CLCA2: variants seen among roughly 807,000 people sequenced by gnomAD.
CLCA2 encodes chloride channel accessory 2, also known as calcium-activated chloride channel regulator 2.
A neutral mutation model predicts 82.9 loss-of-function variants in CLCA2; 85 were observed. That is an observed-to-expected ratio of 1.03 (90% confidence interval 0.86 to 1.23). The LOEUF (loss-of-function observed/expected upper bound fraction) is 1.23. Among genes scored for constraint, CLCA2 ranks in the 50% most tolerant of loss-of-function variants. CLCA2 has a pLI of 0.00. For missense variants in CLCA2, 1,089 were observed against 1,124.8 expected, an observed-to-expected ratio of 0.97 and a Z score of 0.45; for synonymous variants, 421 against 391.7, an observed-to-expected ratio of 1.07 and a Z score of -0.88.
At chr1:86,444,581 T>C (rs2249296) in intron 10 of CLCA2, among the ~76,000 whole-genome samples, 129,015 of 152,204 alleles carry the variant, frequency 0.85, 54,823 homozygotes, top group Non-Finnish European at 0.86. Context: ...GGAAACAGCA[T>C]ATAGAAAGAC....
chr1:86,440,983 T>A (rs1212394230), intron 8 of CLCA2, among the ~76,000 whole-genome samples: 1 of 152,162 alleles, frequency 6.6e-6, no homozygotes, highest in Admixed American at 6.5e-5. Context: ...TTATACTAAA[T>A]AAGGCACAGA....
At chr1:86,428,297 T>C in intron 2 of CLCA2, 121 bp from the exon 3 acceptor site, 1 of 916,496 alleles carries the variant, frequency 1.1e-6, no homozygotes. Flanking sequence ...TGGGTTATAA[T>C]TACATACAAT....
intron 9 of CLCA2, 116 bp downstream of exon 9, chr1:86,441,659 C>A: frequency 1.5e-6 from 1 of 668,182 alleles, no homozygotes; most frequent in Non-Finnish European, 2.6e-6. Context: ...TATGTAACAG[C>A]TGTGTATGGA....
intron 10 of CLCA2, among the ~76,000 whole-genome samples, 182 bp from the exon 11 acceptor site, chr1:86,447,326 G>A (rs997265635): frequency 6.6e-6 from 1 of 152,172 alleles, no homozygotes; most frequent in Non-Finnish European, 1.5e-5. Flanking sequence ...TGAAAGCCAT[G>A]TAAATACAAA....
chr1:86,450,183 T>C (rs186384661), intron 11 of CLCA2, among the ~76,000 whole-genome samples: 128 of 152,326 alleles, frequency 8.4e-4, no homozygotes, highest in African/African-American at 3.1e-3. Context: ...ATTTATTTCC[T>C]AGGGACAAAA....
intron 3 of CLCA2, among the ~76,000 whole-genome samples, chr1:86,429,219 G>A (rs548948498): frequency 6.6e-6 from 1 of 152,324 alleles, no homozygotes; most frequent in Non-Finnish European, 1.5e-5. Context: ...GGTGGAGACA[G>A]TGAGATGGGA....
chr1:86,446,986 T>G (rs1662866794), intron 10 of CLCA2, among the ~76,000 whole-genome samples: 1 of 152,158 alleles, frequency 6.6e-6, no homozygotes, highest in East Asian at 1.9e-4. Context: ...AGTGTATGTG[T>G]TTTTTGTTGA....
chr1:86,446,216 C>CTTTTTT (rs3086658), intron 10 of CLCA2, among the ~76,000 whole-genome samples: 20 of 108,508 alleles, frequency 1.8e-4, no homozygotes, highest in South Asian at 3.4e-4. Flanking sequence ...GCTGTGGGAA[C>CTTTTTT]TTTTTTTTTT....
intron 6 of CLCA2, among the ~76,000 whole-genome samples, chr1:86,437,307 G>A (rs574815986): frequency 6.1e-4 from 93 of 152,268 alleles, no homozygotes; most frequent in African/African-American, 2.1e-3. Flanking sequence ...AATGCTTATA[G>A]CTAATGAGGG....
chr1:86,431,015 T>A, intron 4 of CLCA2, 45 bp downstream of exon 4: 1 of 1,368,244 alleles, frequency 7.3e-7, no homozygotes, highest in Non-Finnish European at 1.0e-6. Flanking sequence ...TATTTGACTC[T>A]AAAATTGCTT....
At chr1:86,428,246 C>G (rs181522095) in intron 2 of CLCA2, among the ~76,000 whole-genome samples, 172 bp from the exon 3 acceptor site, 2 of 152,174 alleles carry the variant, frequency 1.3e-5, no homozygotes, top group African/African-American at 4.8e-5. Context: ...GCATTTTAAA[C>G]TCCATCCACA....
chr1:86,424,440 G>A lies in CLCA2; in HGVS notation c.186+7G>A, dbSNP rs918159451. The A allele has an allele frequency of 1.6e-5, 26 of 1,599,290 alleles. No homozygotes were observed. Among genetic ancestry groups the A allele is most frequent in the Non-Finnish European group, 2.2e-5 (26 of 1,172,390 alleles). ...CCTCATCTCAAACATTAAGGTGAGTGGAAATTATGAAATTGATACTAGCAT... is the reference window on the plus strand; with the variant it reads ...CCTCATCTCAAACATTAAGGTGAGTAGAAATTATGAAATTGATACTAGCAT... On this transcript the variant is annotated splice_region_variant and intron_variant, in intron 1 of 13. Transcript: ENST00000370565.
chr1:86,434,641 C>T lies in CLCA2; in HGVS notation c.868C>T (p.Pro290Ser). The T allele has an allele frequency of 6.2e-7, 1 of 1,614,106 alleles. No homozygotes were observed. Among genetic ancestry groups the T allele is most frequent in the South Asian group, 1.1e-5 (1 of 91,084 alleles). ...CTCTGCTGACTTTCACCACAGCTTT[C>T]CCATGAATGGGACTGAGCTTCCACC... ...TDSADFHHSFPMNGTELPPPP... is the reference protein window; with the variant it reads ...TDSADFHHSFSMNGTELPPPP... Residue 290 changes from proline to serine, a missense_variant, in exon 6 of 14, where the codon CCC becomes TCC. Coordinates refer to ENST00000370565, the MANE Select transcript of CLCA2 (RefSeq NM_006536.7).
Position 86,443,792 on chromosome 1 carries a change from A to C in CLCA2, c.1494A>C (p.Glu498Asp). ...GDIFQQHIQLESTGENVKPHH... is the reference protein window; with the variant it reads ...GDIFQQHIQLDSTGENVKPHH... ...ATATATCTTCTCTTTAACAGCTTGA[A>C]AGTACAGGTGAAAATGTCAAACCTC... is the stretch of plus-strand genomic sequence containing the variant. The change falls in exon 10 of 14, where the codon GAA (glutamate) becomes GAC (aspartate). Residue 498 changes from glutamate (E) to aspartate (D), a missense_variant. Coordinates refer to ENST00000370565, the MANE Select transcript of CLCA2 (RefSeq NM_006536.7). 6.2e-7 allele frequency: 1 copy of C among 1,612,856 alleles called. No individual in the cohort carries two copies.
intron 4 of CLCA2, among the ~76,000 whole-genome samples, 159 bp downstream of exon 4, chr1:86,431,129 T>A (rs992713983): frequency 5.9e-5 from 9 of 152,224 alleles, no homozygotes; most frequent in Non-Finnish European, 1.2e-4. Flanking sequence ...AGTTCTTAAG[T>A]TATATGACAT....
Position 86,436,572 on chromosome 1 carries a change from C to G in CLCA2, c.972+1827C>G, listed in dbSNP as rs141893756. On this transcript the variant is annotated intron_variant, in intron 6 of 13. Transcript: ENST00000370565. ...CAAGGAGAGAATTTATCCCCTTGTG[C>G]TCTGTGGATCAATAGTCCTGGAATA... Among the ~76,000 whole-genome samples, 874 of 152,304 alleles carry G rather than the reference C, an allele frequency of 5.7e-3. 7 individuals are homozygous for G. Among genetic ancestry groups the G allele is most frequent in the Middle Eastern group, 0.034 (10 of 294 alleles).
chr1:86,431,992 A>T (rs57955693), intron 4 of CLCA2, among the ~76,000 whole-genome samples: 6,740 of 152,068 alleles, frequency 0.044, 205 homozygotes, highest in East Asian at 0.1. Context: ...CTGGAGTGCA[A>T]TGGCACGATT....
intron 10 of CLCA2, among the ~76,000 whole-genome samples, chr1:86,445,090 G>C (rs1174594550): frequency 6.6e-6 from 1 of 152,030 alleles, no homozygotes; most frequent in Admixed American, 6.6e-5. Flanking sequence ...TAGAGATGAG[G>C]TTTCACCATG....
intron 10 of CLCA2, among the ~76,000 whole-genome samples, chr1:86,444,242 A>T (rs1662803013): frequency 6.6e-6 from 1 of 152,216 alleles, no homozygotes; most frequent in Non-Finnish European, 1.5e-5. Context: ...GAAAATTAGT[A>T]TTTCCACTAG....
Sources: allele counts gnomAD v4.1 joint callset (sites outside exome capture counted in the v4.1 genomes callset), GRCh38; gene constraint gnomAD v4.1.1; transcripts MANE v1.5; gene names NCBI Gene and HGNC (gene_info 2026-07-23, HGNC 2026-07-21).